Variants in NXN observed in about 807,000 individuals in gnomAD.
The protein encoded by NXN is nucleoredoxin.
A neutral mutation model predicts 48.6 loss-of-function variants in NXN; 16 were observed. That is an observed-to-expected ratio of 0.33 (90% CI 0.22 to 0.50). The LOEUF (loss-of-function observed/expected upper bound fraction) is 0.50, where lower values mean the gene tolerates loss of function less well. Among genes scored for constraint, NXN ranks in the 20% least tolerant of loss-of-function variants. The probability of loss-of-function intolerance (pLI) is 0.98; values close to 1 mark genes in which losing one functional copy is unlikely to be tolerated. For missense variants in NXN, 492 were observed against 605.5 expected, an observed-to-expected ratio of 0.81 and a Z score of 1.97; for synonymous variants, 281 against 269.6, an observed-to-expected ratio of 1.04 and a Z score of -0.41.
chr17:845,153 C>T (rs947213678), intron 1 of NXN, among the ~76,000 whole-genome samples: 4 of 152,196 alleles, frequency 2.6e-5, no homozygotes, highest in Non-Finnish European at 2.9e-5. Flanking sequence ...TATGGGAACA[C>T]GGGAGGTGAT....
chr17:823,553 C>A, intron 3 of NXN, 79 bp downstream of exon 3: 2 of 1,559,392 alleles, frequency 1.3e-6, no homozygotes, highest in Non-Finnish European at 1.7e-6. Context: ...GTCTCACCCC[C>A]AGAAGCCAAC....
chr17:948,798 C>T (rs1214474122), intron 1 of NXN, among the ~76,000 whole-genome samples: 5 of 151,038 alleles, frequency 3.3e-5, no homozygotes, highest in African/African-American at 9.8e-5. Flanking sequence ...AACAGCAGGG[C>T]CAGGGCACGG....
At chr17:847,841 T>C (rs557212895) in intron 1 of NXN, among the ~76,000 whole-genome samples, 17 of 152,284 alleles carry the variant, frequency 1.1e-4, no homozygotes, top group African/African-American at 3.1e-4. Flanking sequence ...CGCAAACATA[T>C]GTCTTTGAAT....
At chr17:878,627 A>T (rs1361709785) in intron 1 of NXN, among the ~76,000 whole-genome samples, 2 of 152,100 alleles carry the variant, frequency 1.3e-5, no homozygotes, top group Non-Finnish European at 2.9e-5. Context: ...CTGGTACTGT[A>T]GCCAGGTTGT....
intron 1 of NXN, among the ~76,000 whole-genome samples, chr17:938,501 G>A (rs188817485): frequency 4.6e-4 from 69 of 149,570 alleles, no homozygotes; most frequent in Admixed American, 2.1e-3. Flanking sequence ...CCAACATGGC[G>A]AAACCCCCGT....
intron 1 of NXN, among the ~76,000 whole-genome samples, chr17:882,782 A>G (rs1323495093): frequency 6.6e-6 from 1 of 150,998 alleles, no homozygotes; most frequent in Non-Finnish European, 1.5e-5. Flanking sequence ...TTTGTTTTTG[A>G]GACGTTGTCT....
chr17:965,530 G>A (rs1473741468), intron 1 of NXN, among the ~76,000 whole-genome samples: 1 of 152,182 alleles, frequency 6.6e-6, no homozygotes, highest in African/African-American at 2.4e-5. Flanking sequence ...ATCACACCGA[G>A]GAGTGTGGGC....
At chr17:874,511 G>C (rs2068193622) in intron 1 of NXN, among the ~76,000 whole-genome samples, 1 of 152,234 alleles carries the variant, frequency 6.6e-6, no homozygotes, top group Non-Finnish European at 1.5e-5. Flanking sequence ...TTGAACCCGA[G>C]AGGCAGAGGC....
intron 5 of NXN, among the ~76,000 whole-genome samples, chr17:812,929 T>C (rs760045305): frequency 1.4e-4 from 21 of 151,356 alleles, no homozygotes; most frequent in Admixed American, 4.0e-4. Context: ...TGTGTGCGTG[T>C]GTGAGTGTGC....
chr17:854,014 C>G (rs1428888714), intron 1 of NXN, among the ~76,000 whole-genome samples: 1 of 152,038 alleles, frequency 6.6e-6, no homozygotes, highest in Non-Finnish European at 1.5e-5. Context: ...GCCACTGCGC[C>G]CGGCCAATTT....
chr17:867,799 G>A (rs1008385848), intron 1 of NXN, among the ~76,000 whole-genome samples: 4 of 151,960 alleles, frequency 2.6e-5, no homozygotes, highest in African/African-American at 9.7e-5. Flanking sequence ...GGTGGCGGGA[G>A]GCTGTAATCG....
chr17:901,618 A>C (rs1329879619), intron 1 of NXN, among the ~76,000 whole-genome samples: 2 of 152,214 alleles, frequency 1.3e-5, no homozygotes, highest in East Asian at 3.9e-4. Context: ...ACATTAACTA[A>C]ATCTAAATCT....
chr17:915,744 A>C (rs988747761), intron 1 of NXN, among the ~76,000 whole-genome samples: 1 of 152,258 alleles, frequency 6.6e-6, no homozygotes, highest in Non-Finnish European at 1.5e-5. Context: ...TTAGTGCAAC[A>C]CTAAAATGCC....
chr17:923,368 T>A (rs1463866283), intron 1 of NXN, among the ~76,000 whole-genome samples: 1 of 151,860 alleles, frequency 6.6e-6, no homozygotes, highest in East Asian at 1.9e-4. Context: ...CCAAAAAAAT[T>A]TTATATTAGT....
chr17:835,562 C>T (rs997835904), intron 1 of NXN, among the ~76,000 whole-genome samples: 2 of 152,128 alleles, frequency 1.3e-5, no homozygotes, highest in Non-Finnish European at 2.9e-5. Flanking sequence ...TGGAACTATC[C>T]TAGGAATGCA....
chr17:854,935 G>C (rs1685394674), intron 1 of NXN, among the ~76,000 whole-genome samples: 1 of 151,904 alleles, frequency 6.6e-6, no homozygotes, highest in Non-Finnish European at 1.5e-5. Context: ...CTCCAGCCTG[G>C]GCAACAGAGT....
Position 950,823 on chromosome 17 carries a change from A to T in NXN, c.360+28496T>A, listed in dbSNP as rs1727412377. Among the ~76,000 whole-genome samples the T allele has an allele frequency of 2.6e-5, 4 of 151,970 alleles. No homozygotes were observed. The South Asian group carries it at 8.3e-4, about 32-fold the overall frequency. On this transcript the variant is annotated intron_variant, in intron 1 of 7. Transcript: ENST00000336868. ...GTTAGCAGGGGAAAGAGTCGGACGA[A>T]ATGGCGAAGTGTTTGGCACAAAGAA...
At chr17:869,389 G>A (rs1316641364) in intron 1 of NXN, among the ~76,000 whole-genome samples, 1 of 152,104 alleles carries the variant, frequency 6.6e-6, no homozygotes, top group Non-Finnish European at 1.5e-5. Flanking sequence ...CAAGCGACCT[G>A]AGGTTCCAGG....
intron 1 of NXN, among the ~76,000 whole-genome samples, chr17:915,705 T>C (rs972931009): frequency 1.3e-5 from 2 of 151,740 alleles, no homozygotes; most frequent in Non-Finnish European, 2.9e-5. Context: ...GCTGGAAACT[T>C]GGCAATAAAC....
Sources: allele counts gnomAD v4.1 joint callset (sites outside exome capture counted in the v4.1 genomes callset), GRCh38; gene constraint gnomAD v4.1.1; transcripts MANE v1.5; gene names NCBI Gene and HGNC (gene_info 2026-07-23, HGNC 2026-07-21).